Variants in PRCD observed in about 807,000 individuals in gnomAD.
The protein encoded by PRCD is photoreceptor disc component, also known as photoreceptor disk component PRCD.
Under a neutral mutation model 10.1 loss-of-function variants are expected in PRCD, and 12 were observed. That is an observed-to-expected ratio of 1.18 (90% CI 0.76 to 1.92). PRCD has a LOEUF of 1.92. PRCD is among the 40% of genes most tolerant of loss of function. The pLI is 0.00. For missense variants in PRCD, 61 were observed against 72.2 expected, an observed-to-expected ratio of 0.84 and a Z score of 0.56; for synonymous variants, 31 against 26.2, an observed-to-expected ratio of 1.18 and a Z score of -0.56.
chr17:76,551,346 T>C (rs2143223457), intron 1 of PRCD: 2 of 152,334 alleles, frequency 1.3e-5, no homozygotes, highest in South Asian at 4.1e-4. Flanking sequence ...TTCAAATTCA[T>C]TTATTTTTAT....
At chr17:76,537,095 G>A (rs1747323063), upstream of PRCD, among the ~76,000 whole-genome samples, 1 of 152,244 alleles carries the variant, frequency 6.6e-6, no homozygotes, top group Non-Finnish European at 1.5e-5. Context: ...CTGACAGTTT[G>A]GCTGGGTGTC....
downstream of PRCD, among the ~76,000 whole-genome samples, chr17:76,547,847 ACACACAGACATACACATATACATATT>A (rs1002576707): frequency 1.5e-5 from 2 of 129,786 alleles, no homozygotes; most frequent in Non-Finnish European, 3.1e-5. Context: ...ACATTCACAC[ACACACAGACATACACATATACATATT>A]CACACACATA....
chr17:76,552,361 AT>A (rs61336544), intron 1 of PRCD: 44 of 147,262 alleles, frequency 3.0e-4, no homozygotes, highest in Middle Eastern at 3.5e-3. Context: ...CGCCTGGCTA[AT>A]TTTTTTTTTT....
In PRCD at chr17:76,544,662, C is replaced by G; in HGVS notation, c.*1012C>G. 2.2e-6 allele frequency: 1 copy of G among 456,798 alleles called. No homozygotes were observed. Among genetic ancestry groups the G allele is most frequent in the Middle Eastern group, 3.3e-4 (1 of 3,076 alleles). 28.3% of individuals were successfully genotyped at this position (456,798 alleles called of 1,614,324 possible). On this transcript the variant is annotated 3_prime_UTR_variant, in exon 5 of 5. Coordinates refer to ENST00000592014, the MANE Select transcript of PRCD (RefSeq NM_001077620.3). ...CTGTCTCTCTCTTTGGAGGCATCGG[C>G]CTTCCTGGTGACAGGCCTGTCAGGC...
chr17:76,538,465 C>T, upstream of PRCD: 2 of 465,254 alleles, frequency 4.3e-6, no homozygotes, highest in Non-Finnish European at 4.5e-6. Context: ...AACGCGGCGG[C>T]GGCGGCCAGA....
chr17:76,546,091 C>T (rs2075050167), downstream of PRCD: 1 of 152,534 alleles, frequency 6.6e-6, no homozygotes, highest in Admixed American at 6.5e-5. The surrounding 1 kb of genome is among the most constrained non-coding windows in gnomAD (Gnocchi z 4.5). Context: ...CCGGAATGAA[C>T]CTCAGCTCCT....
rs551647509 is a variant in PRCD at position 76,528,841 on chromosome 17, C to T, written n.45+1008C>T. 1 of 1,214,902 alleles carries T rather than the reference C, an allele frequency of 8.2e-7. No individual in the cohort carries two copies. The highest frequency in any genetic ancestry group is 4.3e-5 in the South Asian group (1 of 23,150). 75.3% of individuals were successfully genotyped at this position (1,214,902 alleles called of 1,614,324 possible). On this transcript the variant is annotated intron_variant and non_coding_transcript_variant, in intron 1 of 4. Transcript: ENST00000397633. This position sits in a 1 kb window ranked among gnomAD's most constrained non-coding sequence, Gnocchi z 5.8. ...CCATGGGAGCTCCGGATCTTTTTCT[C>T]TAAAATGTGAATAATGTCTGTCTTG...
Position 76,531,445 on chromosome 17 carries a change from G to C in PRCD, n.45+3612G>C, listed in dbSNP as rs756028854. The C allele has an allele frequency of 6.3e-7, 1 of 1,596,706 alleles. No individual in the cohort carries two copies. Among genetic ancestry groups the C allele is most frequent in the East Asian group, 2.3e-5 (1 of 44,326 alleles). ...CGTGGGCGGTGGGGGCTCTGCAGCA[G>C]ATGGGGGCGCATACCTTGAAGTACA... is the stretch of plus-strand genomic sequence containing the variant. On this transcript the variant is annotated intron_variant and non_coding_transcript_variant, in intron 1 of 4. Coordinates refer to the PRCD transcript ENST00000397633. This position sits in a 1 kb window ranked among gnomAD's most constrained non-coding sequence, Gnocchi z 7.4.
intron 1 of PRCD, among the ~76,000 whole-genome samples, chr17:76,534,491 T>G (rs2074893016): frequency 6.6e-6 from 1 of 152,262 alleles, no homozygotes; most frequent in African/African-American, 2.4e-5. Context: ...TTATTGTATT[T>G]AATTGCCACA....
intron 1 of PRCD, chr17:76,529,594 T>C: frequency 1.0e-6 from 1 of 985,314 alleles, no homozygotes; most frequent in Non-Finnish European, 1.2e-6. Context: ...AAGTCTTGTG[T>C]CCTGGCTGTA....
In PRCD at chr17:76,530,993, G is replaced by A. The variant is rs1212450546; in HGVS notation, n.45+3160G>A. On this transcript the variant is annotated intron_variant and non_coding_transcript_variant, in intron 1 of 4. Transcript: ENST00000397633. This position sits in a 1 kb window ranked among gnomAD's most constrained non-coding sequence, Gnocchi z 6.1. Reference sequence around the variant, plus strand: ...CGCCTCCTCACGTGGTGGCGTTGGGGACCTGCTGCACCCAGCCCACTTCCT... The same window carrying A: ...CGCCTCCTCACGTGGTGGCGTTGGGAACCTGCTGCACCCAGCCCACTTCCT... 8.7e-6 allele frequency: 14 copies of A among 1,607,980 alleles called. No individual in the cohort carries two copies. The highest frequency in any genetic ancestry group is 9.3e-6 in the Non-Finnish European group (11 of 1,176,844).
At chr17:76,537,527 C>T (rs1598208353), upstream of PRCD, 3 of 1,563,658 alleles carry the variant, frequency 1.9e-6, no homozygotes, top group Admixed American at 1.8e-5. Flanking sequence ...TCCATCTCGC[C>T]TGGCACTTTC....
chr17:76,545,456 G>A (rs1378797331), downstream of PRCD: 1 of 441,666 alleles, frequency 2.3e-6, no homozygotes, highest in African/African-American at 2.0e-5. Flanking sequence ...GTGCTCAGGG[G>A]CTTGGGAGAG....
In PRCD at chr17:76,531,376, C is replaced by T. The variant is rs2074839979; in HGVS notation, n.45+3543C>T. 1 of 1,501,156 alleles carries T rather than the reference C, an allele frequency of 6.7e-7. No homozygotes were observed. Among genetic ancestry groups the T allele is most frequent in the East Asian group, 2.3e-5 (1 of 43,178 alleles). The allele number at this position is 1,501,156 out of a possible 1,614,324, so 93.0% of individuals were successfully genotyped here. A position where few individuals can be genotyped will look rare whatever the true frequency, so the allele number is the denominator to read the frequency against. On this transcript the variant is annotated intron_variant and non_coding_transcript_variant, in intron 1 of 4. Coordinates refer to the PRCD transcript ENST00000397633. This position sits in a 1 kb window ranked among gnomAD's most constrained non-coding sequence, Gnocchi z 7.4. ...ACTCCGGGGATCACCTCTGTTGCTC[C>T]AGAGAGCCGTCGCAGAGCCTGCGAG... is the stretch of plus-strand genomic sequence containing the variant.
At chr17:76,535,685 TAG>T (rs1255593028), upstream of PRCD, among the ~76,000 whole-genome samples, 2 of 152,138 alleles carry the variant, frequency 1.3e-5, no homozygotes, top group African/African-American at 4.8e-5. Flanking sequence ...AAGAGGGGTG[TAG>T]AGAGAGAAAG....
Position 76,540,250 on chromosome 17 carries a change from T to TGGGGGGGGGGGGGGGGGTGGGG in PRCD, c.74+35_74+36insGGGGGGGGGGGGGGGGGTGGGG. The TGGGGGGGGGGGGGGGGGTGGGG allele has an allele frequency of 2.2e-6, 1 of 463,680 alleles. No homozygotes were observed. Among genetic ancestry groups the TGGGGGGGGGGGGGGGGGTGGGG allele is most frequent in the Non-Finnish European group, 3.6e-6 (1 of 276,416 alleles). The allele number at this position is 463,680 out of a possible 1,614,324, so 28.7% of individuals were successfully genotyped here. A position where few individuals can be genotyped will look rare whatever the true frequency, so the allele number is the denominator to read the frequency against. On this transcript the variant is annotated intron_variant, in intron 1 of 4. Coordinates refer to ENST00000592014, the MANE Select transcript of PRCD (RefSeq NM_001077620.3). This position sits in a 1 kb window ranked among gnomAD's most constrained non-coding sequence, Gnocchi z 5.0. ...TGACCGGGCTATGGCTGGCGGTTGG[T>TGGGGGGGGGGGGGGGGGTGGGG]CGGGGGGGGGGGGCATGGGGCTGGG...
At position 76,540,331 on chromosome 17, in the gene PRCD, G is replaced by A; in HGVS notation, c.74+116G>A. On this transcript the variant is annotated intron_variant, in intron 1 of 4. Transcript: ENST00000592014. The surrounding 1 kb of genome is among the most constrained non-coding windows in gnomAD (Gnocchi z 5.0). Reference sequence around the variant, plus strand: ...GCGTGAACCTTCAGCGGGGCTGGGAGGGCATTTTGAGGAACCCTTGAGAGA... The same window carrying A: ...GCGTGAACCTTCAGCGGGGCTGGGAAGGCATTTTGAGGAACCCTTGAGAGA... 7.3e-7 allele frequency: 1 copy of A among 1,363,596 alleles called. No homozygotes were observed. The highest frequency in any genetic ancestry group is 1.0e-6 in the Non-Finnish European group (1 of 975,314). 84.5% of individuals were successfully genotyped at this position (1,363,596 alleles called of 1,614,324 possible). A position where few individuals can be genotyped will look rare whatever the true frequency, so the allele number is the denominator to read the frequency against.
downstream of PRCD, among the ~76,000 whole-genome samples, chr17:76,548,341 A>C (rs1463744727): frequency 1.3e-5 from 2 of 152,276 alleles, no homozygotes; most frequent in Non-Finnish European, 2.9e-5. Flanking sequence ...GGCAGAAGCC[A>C]TTTGAACTAA....
Position 76,540,156 on chromosome 17 carries a change from T to A in PRCD, c.15T>A (p.Leu5=), listed in dbSNP as rs1266824232. 1 of 1,606,316 alleles carries A rather than the reference T, an allele frequency of 6.2e-7. No homozygotes were observed. The highest frequency in any genetic ancestry group is 1.7e-5 in the Admixed American group (1 of 59,140). MCTT[L]FLLSTLAMLW... ...GCAGCTGCGCCATGTGCACCACCCT[T>A]TTCCTGCTCAGCACCCTGGCCATGC... is the stretch of plus-strand genomic sequence containing the variant. The change falls in exon 1 of 5, where the codon CTT becomes CTA. Residue 5 remains leucine, a synonymous_variant. Transcript: ENST00000592014. The surrounding 1 kb of genome is among the most constrained non-coding windows in gnomAD (Gnocchi z 5.0).
Sources: allele counts gnomAD v4.1 joint callset (sites outside exome capture counted in the v4.1 genomes callset), GRCh38; gene constraint gnomAD v4.1.1; non-coding constraint Gnocchi (gnomAD v3.1); transcripts MANE v1.5; gene names NCBI Gene and HGNC (gene_info 2026-07-23, HGNC 2026-07-21).